Variants in GNAZ observed in about 807,000 individuals in gnomAD.
The protein encoded by GNAZ is guanine nucleotide-binding protein G(z) subunit alpha.
A neutral mutation model predicts 25.4 loss-of-function variants in GNAZ; 3 were observed. That is an observed-to-expected ratio of 0.12 (90% CI 0.05 to 0.30). The LOEUF is 0.30. Ranked by LOEUF, GNAZ falls within the 10% of genes least tolerant of loss-of-function variation. The pLI is 1.00. For missense variants in GNAZ, 241 were observed against 501.8 expected, an observed-to-expected ratio of 0.48 and a Z score of 4.97; for synonymous variants, 211 against 205.7, an observed-to-expected ratio of 1.03 and a Z score of -0.22.
At chr22:23,083,797 G>A (rs2068739732) in intron 1 of GNAZ, among the ~76,000 whole-genome samples, 1 of 152,232 alleles carries the variant, frequency 6.6e-6, no homozygotes, top group Non-Finnish European at 1.5e-5. Flanking sequence ...TGCCGAACCA[G>A]CGGCACACCA....
At chr22:23,088,959 AC>A (rs2068888389) in intron 1 of GNAZ, among the ~76,000 whole-genome samples, 1 of 152,164 alleles carries the variant, frequency 6.6e-6, no homozygotes, top group African/African-American at 2.4e-5. Context: ...CAGTCTGGGT[AC>A]AGTTCCGTCT....
intron 1 of GNAZ, among the ~76,000 whole-genome samples, chr22:23,089,776 T>C (rs141034541): frequency 1.1e-3 from 174 of 152,230 alleles, no homozygotes; most frequent in African/African-American, 4.1e-3. Context: ...CAGCAGAGGG[T>C]TCCTGAGTGG....
At chr22:23,095,096 C>T (rs1287052574) in intron 1 of GNAZ, among the ~76,000 whole-genome samples, 151 bp from the exon 2 acceptor site, 1 of 152,210 alleles carries the variant, frequency 6.6e-6, no homozygotes, top group Non-Finnish European at 1.5e-5. Context: ...CCTACAGCGC[C>T]CCATGGAGGA....
chr22:23,094,374 T>A (rs2069065651), intron 1 of GNAZ, among the ~76,000 whole-genome samples: 1 of 152,032 alleles, frequency 6.6e-6, no homozygotes, highest in African/African-American at 2.4e-5. Context: ...TGCCCCTCCC[T>A]GCTGGCAGGA....
chr22:23,085,509 C>G (rs1168634740), intron 1 of GNAZ, among the ~76,000 whole-genome samples: 1 of 152,214 alleles, frequency 6.6e-6, no homozygotes, highest in Non-Finnish European at 1.5e-5. Context: ...GATTTAGGAG[C>G]AACGGGAGAA....
intron 1 of GNAZ, among the ~76,000 whole-genome samples, chr22:23,079,752 GGACA>G (rs1336648351): frequency 1.3e-5 from 2 of 152,098 alleles, no homozygotes; most frequent in Non-Finnish European, 2.9e-5. Flanking sequence ...GTAGAATTCT[GGACA>G]GTCAGGGCAA....
At chr22:23,097,204 C>T (rs1355627983) in intron 2 of GNAZ, among the ~76,000 whole-genome samples, 2 of 152,010 alleles carry the variant, frequency 1.3e-5, no homozygotes, top group Admixed American at 1.3e-4. Context: ...CAAGGAGTCA[C>T]GAAGTTGTGG....
intron 2 of GNAZ, among the ~76,000 whole-genome samples, chr22:23,100,166 C>T (rs1338812673): frequency 6.6e-6 from 1 of 152,244 alleles, no homozygotes; most frequent in Non-Finnish European, 1.5e-5. Context: ...GCACAACTCT[C>T]CCAGCAGCAC....
intron 1 of GNAZ, among the ~76,000 whole-genome samples, chr22:23,091,756 C>G (rs1037129335): frequency 6.6e-6 from 1 of 152,264 alleles, no homozygotes; most frequent in Non-Finnish European, 1.5e-5. Flanking sequence ...CAGGTACACA[C>G]ATGGCTTAAA....
At chr22:23,089,225 G>A (rs1439633716) in intron 1 of GNAZ, among the ~76,000 whole-genome samples, 3 of 152,212 alleles carry the variant, frequency 2.0e-5, no homozygotes, top group African/African-American at 4.8e-5. Context: ...TAGCCGGCTT[G>A]GGCAGTGAGA....
intron 1 of GNAZ, among the ~76,000 whole-genome samples, chr22:23,086,511 C>T (rs74844000): frequency 0.02 from 3,122 of 152,358 alleles, 43 homozygotes; most frequent in Non-Finnish European, 0.032. Context: ...CCTCTCCTCC[C>T]AGTGGCCTCA....
Position 23,118,022 on chromosome 22 carries a change from C to T in GNAZ, c.724-5065C>T, listed in dbSNP as rs188663771. The stretch of plus-strand genomic sequence containing the variant: ...ACGTTCAGGGGAAATACCCCAGACC[C>T]GCAGGCCAGCAAGCTGGAAGCCCCT... On this transcript the variant is annotated intron_variant, in intron 2 of 2. Coordinates refer to ENST00000615612, the MANE Select transcript of GNAZ (RefSeq NM_002073.4). Among the ~76,000 whole-genome samples, 446 of 152,344 alleles carry T rather than the reference C, an allele frequency of 2.9e-3. 1 individual carries two copies. The highest frequency in any genetic ancestry group is 6.6e-3 in the South Asian group (32 of 4,828).
At chr22:23,117,021 C>G (rs964056389) in intron 2 of GNAZ, among the ~76,000 whole-genome samples, 1 of 152,172 alleles carries the variant, frequency 6.6e-6, no homozygotes, top group Non-Finnish European at 1.5e-5. Context: ...GCTGGGGGAT[C>G]TGTGCGCCTC....
At chr22:23,075,597 G>A (rs901942442) in intron 1 of GNAZ, among the ~76,000 whole-genome samples, 5 of 152,176 alleles carry the variant, frequency 3.3e-5, no homozygotes, top group Non-Finnish European at 7.3e-5. Flanking sequence ...AGACGTCCCT[G>A]GAGAATCCAT....
chr22:23,094,820 A>T (rs998599606), intron 1 of GNAZ, among the ~76,000 whole-genome samples: 1 of 152,192 alleles, frequency 6.6e-6, no homozygotes, highest in African/African-American at 2.4e-5. Context: ...GGAGGCGCTC[A>T]GTTATCCCAG....
intron 2 of GNAZ, among the ~76,000 whole-genome samples, chr22:23,121,999 G>A (rs941342453): frequency 6.6e-6 from 1 of 152,162 alleles, no homozygotes; most frequent in Non-Finnish European, 1.5e-5. Context: ...CTAAAGTGCT[G>A]GGATTACAGG....
intron 2 of GNAZ, among the ~76,000 whole-genome samples, chr22:23,103,772 T>G (rs1206185328): frequency 1.3e-5 from 2 of 152,182 alleles, no homozygotes; most frequent in African/African-American, 4.8e-5. Flanking sequence ...AAACTCAGTC[T>G]AGGGACAGAG....
At chr22:23,089,171 G>A (rs1236172981) in intron 1 of GNAZ, among the ~76,000 whole-genome samples, 1 of 152,210 alleles carries the variant, frequency 6.6e-6, no homozygotes, top group African/African-American at 2.4e-5. Flanking sequence ...GCACAGTGAT[G>A]AGGGAGCTGG....
At position 23,091,611 on chromosome 22, in the gene GNAZ, C is replaced by T. The variant is rs572140400; in HGVS notation, c.-449-3636C>T. Among the ~76,000 whole-genome samples, 1,328 of 151,856 alleles carry T rather than the reference C, an allele frequency of 8.7e-3. 20 individuals carry two copies. Among genetic ancestry groups the T allele is most frequent in the African/African-American group, 0.03 (1,240 of 41,376 alleles). The stretch of plus-strand genomic sequence containing the variant: ...ACACACACAGGCACCTATGCATACA[C>T]GCATATGCACCGCAATGGACCTGCA... On this transcript the variant is annotated intron_variant, in intron 1 of 2. Coordinates refer to ENST00000615612, the MANE Select transcript of GNAZ (RefSeq NM_002073.4).
Sources: allele counts gnomAD v4.1 joint callset (sites outside exome capture counted in the v4.1 genomes callset), GRCh38; gene constraint gnomAD v4.1.1; transcripts MANE v1.5; gene names NCBI Gene and HGNC (gene_info 2026-07-23, HGNC 2026-07-21).